Variants in PER3 observed in about 807,000 individuals in gnomAD.
The protein encoded by PER3 is period circadian protein homolog 3.
In PER3, 107 loss-of-function variants were observed where a neutral mutation model predicts 127.2. The observed-to-expected ratio is 0.84, with a 90% CI of 0.72 to 0.99. The LOEUF (loss-of-function observed/expected upper bound fraction) is 0.99. Among genes scored for constraint, PER3 ranks in the 50% least tolerant of loss-of-function variants. PER3 has a pLI of 0.00. For missense variants in PER3, 1,560 were observed against 1,525.8 expected, an observed-to-expected ratio of 1.02 and a Z score of -0.37; for synonymous variants, 618 against 585.8, an observed-to-expected ratio of 1.05 and a Z score of -0.79.
rs918310421 is a variant in PER3, at chr1:7,845,036, G to A, written c.*2281G>A. On this transcript the variant is annotated 3_prime_UTR_variant, in exon 22 of 22. Transcript: ENST00000377532. Reference sequence around the variant, plus strand: ...GAGTGACACTTCATTGTAATTCACAGTGTAAATTTAATCCAAACTGAAATT... The same window carrying A: ...GAGTGACACTTCATTGTAATTCACAATGTAAATTTAATCCAAACTGAAATT... 2.0e-5 allele frequency: 3 copies of A among 152,338 alleles called. No individual in the cohort carries two copies. The highest frequency in any genetic ancestry group is 7.2e-5 in the African/African-American group (3 of 41,432). 9.4% of individuals were successfully genotyped at this position (152,338 alleles called of 1,614,324 possible). A position where few individuals can be genotyped will look rare whatever the true frequency, so the allele number is the denominator to read the frequency against.
At chr1:7,785,056 T>A (rs758390421) in intron 2 of PER3, 51 bp downstream of exon 2, 1 of 1,551,298 alleles carries the variant, frequency 6.4e-7, no homozygotes, top group Non-Finnish European at 8.6e-7. Flanking sequence ...TGTCCTTCCC[T>A]GGAGCAGGGA....
intron 18 of PER3, 51 bp downstream of exon 18, chr1:7,827,866 A>T: frequency 7.0e-7 from 1 of 1,436,650 alleles, no homozygotes; most frequent in Non-Finnish European, 9.6e-7. Flanking sequence ...ATATCTTACT[A>T]AAGTTAAGGT....
At chr1:7,812,915 C>T (rs2097226996) in intron 13 of PER3, among the ~76,000 whole-genome samples, 1 of 151,994 alleles carries the variant, frequency 6.6e-6, no homozygotes, top group Admixed American at 6.6e-5. Context: ...GAGGATGCAA[C>T]TTAAAAATGT....
In PER3 at chr1:7,806,806, A is replaced by ATATAT. The variant is rs1431205616; in HGVS notation, c.1137-2087_1137-2086insTATAT. 3.4e-3 allele frequency among the ~76,000 whole-genome samples: 197 copies of ATATAT among 58,522 alleles called. 2 individuals carry two copies. In the East Asian group the frequency reaches 0.046, roughly 14 times the overall value. 38.4% of individuals were successfully genotyped at this position (58,522 alleles called of 152,430 possible). A position where few individuals can be genotyped will look rare whatever the true frequency, so the allele number is the denominator to read the frequency against. On this transcript the variant is annotated intron_variant, in intron 10 of 21. Coordinates refer to ENST00000377532, the MANE Select transcript of PER3 (RefSeq NM_001377275.1). ...AAGACCCTGTCTCTTAAAAAAAAAAAAAAAAAATATATATATATATATATA... is the reference window on the plus strand; with the variant it reads ...AAGACCCTGTCTCTTAAAAAAAAAAATATATAAAAAAATATATATATATATATATA...
intron 18 of PER3, 103 bp downstream of exon 18, chr1:7,827,918 C>G: frequency 1.2e-6 from 1 of 827,772 alleles, no homozygotes. Context: ...AGTAGGTAAT[C>G]CGCGTGGCTA....
intron 10 of PER3, 135 bp downstream of exon 10, chr1:7,803,983 G>A: frequency 1.5e-6 from 1 of 657,670 alleles, no homozygotes; most frequent in Non-Finnish European, 2.6e-6. Context: ...GCTTTGGGGA[G>A]ACAGTTTGAC....
Position 7,839,955 on chromosome 1 carries a change from G to A in PER3, c.3550-2717G>A, listed in dbSNP as rs1020683639. On this transcript the variant is annotated intron_variant, in intron 21 of 21. Coordinates refer to ENST00000377532, the MANE Select transcript of PER3 (RefSeq NM_001377275.1). ...GGGAGTTTTCAGCCATTATTTTTTCGAATAATCTTTCTGCCTCTTTCTCTT... is the reference window on the plus strand; with the variant it reads ...GGGAGTTTTCAGCCATTATTTTTTCAAATAATCTTTCTGCCTCTTTCTCTT... Among the ~76,000 whole-genome samples, 11 of 151,734 alleles carry A rather than the reference G, an allele frequency of 7.2e-5. 1 individual carries two copies. Among genetic ancestry groups the A allele is most frequent in the South Asian group, 4.2e-4 (2 of 4,816 alleles).
intron 13 of PER3, among the ~76,000 whole-genome samples, chr1:7,812,486 G>A (rs551102727): frequency 2.0e-4 from 30 of 151,916 alleles, no homozygotes; most frequent in African/African-American, 2.4e-5. Context: ...TTAGCCGGGC[G>A]TGGTGGTGGG....
intron 5 of PER3, among the ~76,000 whole-genome samples, chr1:7,790,249 C>T (rs1333217789): frequency 1.3e-5 from 2 of 152,294 alleles, no homozygotes; most frequent in East Asian, 1.9e-4. Flanking sequence ...GTTTAATTGA[C>T]TCACAGTTCC....
At chr1:7,834,724 C>A (rs1170314157) in intron 19 of PER3, among the ~76,000 whole-genome samples, 2 of 152,102 alleles carry the variant, frequency 1.3e-5, no homozygotes, top group Non-Finnish European at 2.9e-5. Context: ...TCCCAAAGTG[C>A]CAGGATTACA....
chr1:7,818,667 T>TG (rs2097262420), intron 13 of PER3, among the ~76,000 whole-genome samples: 1 of 152,246 alleles, frequency 6.6e-6, no homozygotes, highest in South Asian at 2.1e-4. Flanking sequence ...GGTGGCCACT[T>TG]GCCACATGTG....
rs1553320994 is a variant in PER3, at chr1:7,827,812, G to T, written c.2883G>T (p.Glu961Asp). The T allele has an allele frequency of 1.3e-6, 2 of 1,599,718 alleles. No individual in the cohort carries two copies. The highest frequency in any genetic ancestry group is 3.4e-5 in the Admixed American group (2 of 58,956). The change falls in exon 18 of 22, where the codon GAG becomes GAT. Residue 961 changes from glutamate to aspartate, a missense_variant. Glu to Asp is a conservative substitution (Grantham distance 45). This residue lies in a region of PER3 where 1,332 missense variants were observed against 1,223.6 expected (regional missense o/e 1.09). Coordinates refer to ENST00000377532, the MANE Select transcript of PER3 (RefSeq NM_001377275.1). ...QMRRNTCPQT[E>D]YQCVTGNNGS... Reference sequence around the variant, plus strand: ...GAAGGAACACGTGCCCACAAACTGAGTATGTAAGTGATGCTCATTTTCAAC... The same window carrying T: ...GAAGGAACACGTGCCCACAAACTGATTATGTAAGTGATGCTCATTTTCAAC...
intron 19 of PER3, among the ~76,000 whole-genome samples, chr1:7,834,081 C>T (rs1044350545): frequency 6.6e-6 from 1 of 152,096 alleles, no homozygotes; most frequent in Non-Finnish European, 1.5e-5. Flanking sequence ...CACCACCACG[C>T]CTAATTTTTT....
chr1:7,840,335 A>ATT (rs35097424), intron 21 of PER3, among the ~76,000 whole-genome samples: 25 of 143,736 alleles, frequency 1.7e-4, no homozygotes, highest in Middle Eastern at 3.5e-3. Context: ...TCTTTTTTCT[A>ATT]TTTTTTTTTT....
At chr1:7,839,892 C>A (rs1046691454) in intron 21 of PER3, among the ~76,000 whole-genome samples, 6 of 151,900 alleles carry the variant, frequency 3.9e-5, no homozygotes, top group Non-Finnish European at 8.8e-5. Context: ...TTCATTTAGC[C>A]TCTTGGACTT....
At chr1:7,811,134 T>C (rs2097217426) in intron 13 of PER3, among the ~76,000 whole-genome samples, 1 of 152,242 alleles carries the variant, frequency 6.6e-6, no homozygotes, top group South Asian at 2.1e-4. Flanking sequence ...TTGTATGGCA[T>C]AGGGGATGTT....
At chr1:7,817,713 C>A (rs548428003) in intron 13 of PER3, among the ~76,000 whole-genome samples, 1 of 152,142 alleles carries the variant, frequency 6.6e-6, no homozygotes, top group South Asian at 2.1e-4. Flanking sequence ...GATGGATAGA[C>A]ACGGGTTAGT....
At chr1:7,833,089 A>T (rs1558476854) in intron 19 of PER3, among the ~76,000 whole-genome samples, 3 of 151,822 alleles carry the variant, frequency 2.0e-5, no homozygotes, top group African/African-American at 7.3e-5. Flanking sequence ...ATATTTGGAG[A>T]TTTTTTTTAG....
intron 19 of PER3, among the ~76,000 whole-genome samples, chr1:7,833,652 C>T (rs1032648814): frequency 3.9e-5 from 6 of 152,110 alleles, no homozygotes; most frequent in African/African-American, 1.2e-4. Context: ...TTCTCGTAAC[C>T]ACCATATAGT....
Sources: allele counts gnomAD v4.1 joint callset (sites outside exome capture counted in the v4.1 genomes callset), GRCh38; gene constraint gnomAD v4.1.1; regional missense constraint gnomAD v4.1.1; transcripts MANE v1.5; gene names NCBI Gene and HGNC (gene_info 2026-07-23, HGNC 2026-07-21).